Variants in GOLGA3 observed in about 807,000 individuals in gnomAD.
GOLGA3 encodes the protein golgin A3, also known as golgin subfamily A member 3.
In GOLGA3, 75 loss-of-function variants were observed where a neutral mutation model predicts 169.4. That is an observed-to-expected ratio of 0.44 (90% CI 0.37 to 0.54). The LOEUF (loss-of-function observed/expected upper bound fraction) is 0.54, where lower values mean the gene tolerates loss of function less well. GOLGA3 is among the 20% of genes least tolerant of loss of function. The probability of loss-of-function intolerance (pLI) is 0.00; values close to 1 mark genes in which losing one functional copy is unlikely to be tolerated. For synonymous variants in GOLGA3, 824 were observed against 822.4 expected (o/e 1.00, Z -0.03); for missense variants, 1,899 against 1,930.0 (o/e 0.98, Z 0.30).
At chr12:132,774,135 G>A in intron 23 of GOLGA3, 22 bp downstream of exon 23, 1 of 1,552,842 alleles carries the variant, frequency 6.4e-7, no homozygotes. Flanking sequence ...TAGCTGAAGT[G>A]CAGCACGGAA....
intron 3 of GOLGA3, among the ~76,000 whole-genome samples, chr12:132,816,208 A>AG (rs1180913335): frequency 6.6e-6 from 1 of 152,212 alleles, no homozygotes; most frequent in Non-Finnish European, 1.5e-5. Context: ...AGAAAAAAAA[A>AG]GCAAACCAAA....
intron 17 of GOLGA3, 33 bp from the exon 18 acceptor site, chr12:132,780,947 G>A (rs1278489249): frequency 1.3e-6 from 2 of 1,517,516 alleles, no homozygotes; most frequent in Non-Finnish European, 1.8e-6. Context: ...AGATAAGGAA[G>A]GACGTCGAAT....
chr12:132,826,129 C>A, intron 1 of GOLGA3: 1 of 1,571,516 alleles, frequency 6.4e-7, no homozygotes, highest in Non-Finnish European at 8.7e-7. Flanking sequence ...CAGTGCACCT[C>A]AACGTGCTCC....
chr12:132,797,842 C>T (rs537919466), intron 9 of GOLGA3, among the ~76,000 whole-genome samples: 47 of 152,334 alleles, frequency 3.1e-4, no homozygotes, highest in African/African-American at 1.1e-3. Context: ...GCCATGACCT[C>T]GACAGCGTGT....
chr12:132,821,769 G>T (rs1950225113), intron 2 of GOLGA3, among the ~76,000 whole-genome samples: 1 of 147,726 alleles, frequency 6.8e-6, no homozygotes, highest in Admixed American at 6.7e-5. Flanking sequence ...CAAGAGAATG[G>T]CATGAACCCG....
intron 4 of GOLGA3, among the ~76,000 whole-genome samples, chr12:132,809,277 T>C (rs1490199935): frequency 2.0e-5 from 3 of 152,192 alleles, no homozygotes; most frequent in African/African-American, 2.4e-5. Context: ...GAAGGCAGAC[T>C]AGGAGTGTGA....
chr12:132,821,275 C>T (rs1336730120), intron 2 of GOLGA3, among the ~76,000 whole-genome samples: 7 of 151,266 alleles, frequency 4.6e-5, no homozygotes, highest in South Asian at 4.2e-4. Flanking sequence ...GGCGTGGTAG[C>T]GCATGCCTGT....
chr12:132,782,223 G>A, intron 17 of GOLGA3, 73 bp downstream of exon 17: 1 of 1,297,376 alleles, frequency 7.7e-7, no homozygotes, highest in South Asian at 1.2e-5. Flanking sequence ...GAATCTGGAT[G>A]AGATTCTCGG....
chr12:132,801,450 C>A (rs1421679125), intron 8 of GOLGA3, among the ~76,000 whole-genome samples: 1 of 151,962 alleles, frequency 6.6e-6, no homozygotes, highest in Non-Finnish European at 1.5e-5. Context: ...GTCAGGAGGC[C>A]AGGGTGGGAG....
chr12:132,795,622 A>C (rs1948791933), intron 11 of GOLGA3, among the ~76,000 whole-genome samples: 1 of 152,166 alleles, frequency 6.6e-6, no homozygotes, highest in South Asian at 2.1e-4. Context: ...TTAGCTGGGC[A>C]TGGTGGCGCA....
chr12:132,789,123 G>C lies in GOLGA3; in HGVS notation c.2715C>G (p.His905Gln), dbSNP rs969478255. The change falls in exon 13 of 24, where the codon CAC becomes CAG. Residue 905 changes from histidine to glutamine, a missense_variant. Coordinates refer to ENST00000450791, the MANE Select transcript of GOLGA3 (RefSeq NM_001389683.1). ...RTAEAELSRLHREVAQVRQHM... is the reference protein window; with the variant it reads ...RTAEAELSRLQREVAQVRQHM... ...GCTGACGGACCTGGGCCACCTCTCT[G>C]TGCAGGCGCGAGAGCTCCGCCTCGG... 1 of 1,613,290 alleles carries C rather than the reference G, an allele frequency of 6.2e-7. No homozygotes were observed. The highest frequency in any genetic ancestry group is 1.3e-5 in the African/African-American group (1 of 74,944).
At chr12:132,801,711 G>T in intron 8 of GOLGA3, 56 bp downstream of exon 8, 2 of 1,498,732 alleles carry the variant, frequency 1.3e-6, no homozygotes, top group Non-Finnish European at 9.2e-7. Flanking sequence ...AAAAAGCACC[G>T]TTCTACATGA....
chr12:132,813,539 C>A, intron 3 of GOLGA3, 120 bp from the exon 4 acceptor site: 1 of 578,086 alleles, frequency 1.7e-6, no homozygotes, highest in South Asian at 2.1e-5. Flanking sequence ...AAACAATGCA[C>A]AGCCATCTTG....
At chr12:132,821,673 T>C (rs1168912712) in intron 2 of GOLGA3, among the ~76,000 whole-genome samples, 1 of 150,824 alleles carries the variant, frequency 6.6e-6, no homozygotes, top group Non-Finnish European at 1.5e-5. Context: ...GCTAACACGG[T>C]GAAACCCCGT....
At chr12:132,815,200 C>T (rs1159205329) in intron 3 of GOLGA3, among the ~76,000 whole-genome samples, 1 of 152,186 alleles carries the variant, frequency 6.6e-6, no homozygotes, top group East Asian at 1.9e-4. Context: ...ATGGCTAGAC[C>T]GTAAGTGGCA....
intron 17 of GOLGA3, among the ~76,000 whole-genome samples, chr12:132,781,999 G>A (rs1475306768): frequency 4.6e-5 from 7 of 152,036 alleles, no homozygotes; most frequent in East Asian, 1.9e-4. Flanking sequence ...CTGAGCACAC[G>A]CAGGGGCTCC....
chr12:132,800,168 A>G (rs1202777358), intron 8 of GOLGA3, among the ~76,000 whole-genome samples: 5 of 152,232 alleles, frequency 3.3e-5, no homozygotes, highest in Non-Finnish European at 5.9e-5. Context: ...TTGTAAGTAG[A>G]ACAAATGCTT....
In GOLGA3 at chr12:132,784,739, ACG is replaced by A. The variant is rs1403990458; in HGVS notation, c.3124-434_3124-433del. ...ACACACACACGTGCTCACACCCCACACGCACATGCTCACACCCCACGTGTTCA... is the reference window on the plus strand; with the variant it reads ...ACACACACACGTGCTCACACCCCACACACATGCTCACACCCCACGTGTTCA... On this transcript the variant is annotated intron_variant, in intron 15 of 23. Transcript: ENST00000450791. 2.0e-5 allele frequency among the ~76,000 whole-genome samples: 3 copies of A among 148,496 alleles called. No homozygotes were observed. The East Asian group carries it at 5.9e-4, about 29-fold the overall frequency.
At chr12:132,779,641 C>T (rs1398562367) in intron 18 of GOLGA3, among the ~76,000 whole-genome samples, 1 of 152,198 alleles carries the variant, frequency 6.6e-6, no homozygotes, top group African/African-American at 2.4e-5. Flanking sequence ...CTGCCTTTCT[C>T]TAGAGACAAC....
Sources: allele counts gnomAD v4.1 joint callset (sites outside exome capture counted in the v4.1 genomes callset), GRCh38; gene constraint gnomAD v4.1.1; transcripts MANE v1.5; gene names NCBI Gene and HGNC (gene_info 2026-07-23, HGNC 2026-07-21).